The following KCMF1 variants were observed in gnomAD, a reference collection of about 807,000 sequenced individuals.
KCMF1 encodes the protein E3 ubiquitin-protein ligase KCMF1.
In KCMF1, 3 loss-of-function variants were observed where a neutral mutation model predicts 41.1. That is an observed-to-expected ratio of 0.07 (90% CI 0.03 to 0.19). KCMF1 has a LOEUF of 0.19. Ranked by LOEUF, KCMF1 falls within the 10% of genes least tolerant of loss-of-function variation. The pLI, the probability that KCMF1 is intolerant of heterozygous loss-of-function variation, is 1.00. For synonymous variants in KCMF1, 142 were observed against 164.5 expected (o/e 0.86, Z 1.04); for missense variants, 286 against 488.9 (o/e 0.58, Z 3.91).
At chr2:85,023,204 T>G (rs1270138273) in intron 1 of KCMF1, among the ~76,000 whole-genome samples, 1 of 151,364 alleles carries the variant, frequency 6.6e-6, no homozygotes, top group Non-Finnish European at 1.5e-5. Flanking sequence ...TATGTATTCT[T>G]TGAAATTTCC....
At chr2:85,035,593 T>C (rs1675386927) in intron 3 of KCMF1, among the ~76,000 whole-genome samples, 1 of 152,356 alleles carries the variant, frequency 6.6e-6, no homozygotes, top group Admixed American at 6.5e-5. Flanking sequence ...AGCATATCGC[T>C]GATCTTACCT....
intron 1 of KCMF1, among the ~76,000 whole-genome samples, chr2:84,978,294 G>T (rs1188536358): frequency 2.6e-5 from 4 of 152,164 alleles, no homozygotes; most frequent in Non-Finnish European, 5.9e-5. Context: ...ACCGTGCCCA[G>T]CCTTAGCAGC....
At chr2:84,986,323 G>A (rs867326878) in intron 1 of KCMF1, among the ~76,000 whole-genome samples, 2 of 152,146 alleles carry the variant, frequency 1.3e-5, no homozygotes, top group Non-Finnish European at 2.9e-5. Context: ...TGTAGTGTTG[G>A]CAAGTGGAAT....
In KCMF1 at chr2:85,008,340, G is replaced by GATATATC. The variant is rs1558573544; in HGVS notation, c.17-19543_17-19542insCATATAT. On this transcript the variant is annotated intron_variant, in intron 1 of 6. Coordinates refer to ENST00000409785, the MANE Select transcript of KCMF1 (RefSeq NM_020122.5). ...ATATATCATATATAATATATAATAT[G>GATATATC]ATATATAATATATAATATATATTAT... is the stretch of plus-strand genomic sequence containing the variant. Among the ~76,000 whole-genome samples the GATATATC allele has an allele frequency of 2.8e-3, 77 of 27,326 alleles. 2 individuals carry two copies. Among genetic ancestry groups the GATATATC allele is most frequent in the Admixed American group, 7.0e-3 (11 of 1,562 alleles). 17.9% of individuals were successfully genotyped at this position (27,326 alleles called of 152,430 possible). A position where few individuals can be genotyped will look rare whatever the true frequency, so the allele number is the denominator to read the frequency against.
intron 1 of KCMF1, among the ~76,000 whole-genome samples, chr2:84,987,125 G>A (rs1673921383): frequency 6.6e-6 from 1 of 152,122 alleles, no homozygotes; most frequent in Admixed American, 6.5e-5. Context: ...TTTTTATCAC[G>A]GTAGATAAGA....
chr2:84,993,281 A>G (rs1331374634), intron 1 of KCMF1, among the ~76,000 whole-genome samples: 3 of 152,108 alleles, frequency 2.0e-5, no homozygotes, highest in Non-Finnish European at 4.4e-5. Context: ...ATCAGACAAG[A>G]CTGTCACTGT....
intron 1 of KCMF1, among the ~76,000 whole-genome samples, chr2:85,012,315 GTTTT>G (rs980213329): frequency 6.6e-6 from 1 of 152,120 alleles, no homozygotes; most frequent in Non-Finnish European, 1.5e-5. Flanking sequence ...TGAGTGAACT[GTTTT>G]TTGTGTGTTG....
intron 1 of KCMF1, among the ~76,000 whole-genome samples, chr2:85,021,598 G>A (rs1007433557): frequency 5.9e-5 from 9 of 151,562 alleles, no homozygotes; most frequent in African/African-American, 2.2e-4. Flanking sequence ...CTCCAGCCTG[G>A]GCAACAGAGC....
chr2:85,053,050 A>G (rs1675844927), intron 6 of KCMF1, 98 bp from the exon 7 acceptor site: 10 of 1,098,230 alleles, frequency 9.1e-6, no homozygotes, highest in Admixed American at 2.9e-5. Flanking sequence ...GAATTTTGCC[A>G]CCTGTAAAAC....
In KCMF1 at chr2:85,053,283, T is replaced by G. The variant is rs115702180; in HGVS notation, c.1020T>G (p.Asp340Glu). ...AGAGCTCATCCTCAGATGAGGATGATCGGGGGGAGATGGCAGATTTTGGTG... is the reference window on the plus strand; with the variant it reads ...AGAGCTCATCCTCAGATGAGGATGAGCGGGGGGAGATGGCAGATTTTGGTG... ...REESSSSDED[D>E]RGEMADFGAM... Residue 340 changes from aspartate to glutamate, a missense_variant, in exon 7 of 7, where the codon GAT becomes GAG. Physicochemically the swap from Asp to Glu is conservative, Grantham distance 45. Transcript: ENST00000409785. 6.2e-7 allele frequency: 1 copy of G among 1,613,848 alleles called. No homozygotes were observed. The highest frequency in any genetic ancestry group is 8.5e-7 in the Non-Finnish European group (1 of 1,179,894).
intron 1 of KCMF1, among the ~76,000 whole-genome samples, chr2:84,973,777 CCATTTCTTTCAG>C (rs1397974845): frequency 4.7e-4 from 72 of 151,672 alleles, no homozygotes; most frequent in African/African-American, 1.6e-3. Context: ...CCAAAGAATC[CCATTTCTTTCAG>C]CATTTCTTTC....
At chr2:85,024,553 TGAGAGAGAGA>T (rs377478206) in intron 1 of KCMF1, among the ~76,000 whole-genome samples, 153 of 141,758 alleles carry the variant, frequency 1.1e-3, no homozygotes, top group African/African-American at 1.9e-3. Context: ...ATTTGGAGAG[TGAGAGAGAGA>T]GAGAGAGAGA....
At chr2:84,974,533 G>A (rs1000432949) in intron 1 of KCMF1, among the ~76,000 whole-genome samples, 1 of 151,188 alleles carries the variant, frequency 6.6e-6, no homozygotes, top group African/African-American at 2.4e-5. Context: ...AAAGGGCTAG[G>A]TGGCAAACAT....
intron 5 of KCMF1, among the ~76,000 whole-genome samples, chr2:85,048,027 GTAA>G (rs1198620840): frequency 1.3e-5 from 2 of 152,150 alleles, no homozygotes; most frequent in African/African-American, 4.8e-5. Context: ...CCTGGGTGAT[GTAA>G]TAATATGTAT....
intron 1 of KCMF1, among the ~76,000 whole-genome samples, chr2:85,008,289 AAT>A (rs376076071): frequency 0.26 from 12,862 of 48,930 alleles, 1,145 homozygotes; most frequent in Non-Finnish European, 0.34. Flanking sequence ...TATGATATAT[AAT>A]ATATATAATA....
At chr2:84,985,468 T>C (rs1673877481) in intron 1 of KCMF1, among the ~76,000 whole-genome samples, 2 of 152,236 alleles carry the variant, frequency 1.3e-5, no homozygotes, top group Non-Finnish European at 2.9e-5. Flanking sequence ...TCTATTACTC[T>C]ATTTAACTGA....
At position 85,026,485 on chromosome 2, in the gene KCMF1, TA is replaced by T. The variant is rs1372654662; in HGVS notation, c.17-1403del. On this transcript the variant is annotated intron_variant, in intron 1 of 6. Transcript: ENST00000409785. ...TTATTATTATTATTATTATTATTATTATTATTATTATTTTTATTTTTTCCAG... is the reference window on the plus strand; with the variant it reads ...TTATTATTATTATTATTATTATTATTTTATTATTATTTTTATTTTTTCCAG... Among the ~76,000 whole-genome samples the T allele has an allele frequency of 1.0e-3, 152 of 146,794 alleles. 1 individual carries two copies. The highest frequency in any genetic ancestry group is 3.4e-3 in the African/African-American group (138 of 40,292).
chr2:84,997,021 CAG>C (rs1363970192), intron 1 of KCMF1, among the ~76,000 whole-genome samples: 1 of 152,068 alleles, frequency 6.6e-6, no homozygotes, highest in Admixed American at 6.6e-5. Flanking sequence ...GTAATTATAA[CAG>C]AATAATAACT....
intron 1 of KCMF1, among the ~76,000 whole-genome samples, chr2:85,007,101 C>CAAAA (rs764401140): frequency 1.4e-4 from 7 of 51,818 alleles, no homozygotes; most frequent in Non-Finnish European, 2.4e-4. Flanking sequence ...AACTCAGTCT[C>CAAAA]AAAAAAAAAA....
Sources: gnomAD v4.1 joint callset for allele counts (sites outside exome capture counted in the v4.1 genomes callset) on GRCh38, gnomAD v4.1.1 for gene constraint, MANE v1.5 for transcripts, NCBI Gene and HGNC (gene_info 2026-07-23, HGNC 2026-07-21) for gene names.